LRP1B: variants seen among roughly 807,000 people sequenced by gnomAD.
LRP1B encodes LDL receptor related protein 1B.
In LRP1B, 217 loss-of-function variants were observed where a neutral mutation model predicts 556.6. The observed-to-expected ratio is 0.39, with a 90% CI of 0.35 to 0.44. LRP1B has a LOEUF of 0.44. Among genes scored for constraint, LRP1B ranks in the 20% least tolerant of loss-of-function variants. The pLI, the probability that LRP1B is intolerant of heterozygous loss-of-function variation, is 1.00. For synonymous variants in LRP1B, 2,047 were observed against 1,865.8 expected (o/e 1.10, Z -2.50); for missense variants, 5,053 against 5,620.8 (o/e 0.90, Z 3.23).
At chr2:141,051,705 G>A (rs1055940305) in intron 10 of LRP1B, among the ~76,000 whole-genome samples, 1 of 152,006 alleles carries the variant, frequency 6.6e-6, no homozygotes, top group Non-Finnish European at 1.5e-5. Context: ...TTTTAAAAGA[G>A]TTTTAACACA....
In LRP1B at chr2:141,779,419, CTT is replaced by C. The variant is rs34529015; in HGVS notation, c.205+30858_205+30859del. ...TAGACAAATATGTTCAAAATAAAAA[CTT>C]TTTTTTTTTTTTTTTTGAGACAGGG... On this transcript the variant is annotated intron_variant, in intron 2 of 90. Transcript: ENST00000389484. Among the ~76,000 whole-genome samples the C allele has an allele frequency of 3.7e-3, 478 of 130,758 alleles. 1 individual carries two copies. Among genetic ancestry groups the C allele is most frequent in the African/African-American group, 0.011 (399 of 34,996 alleles). 85.8% of individuals were successfully genotyped at this position (130,758 alleles called of 152,430 possible). A position where few individuals can be genotyped will look rare whatever the true frequency, so the allele number is the denominator to read the frequency against.
At chr2:141,033,128 T>C (rs1013938194) in intron 11 of LRP1B, among the ~76,000 whole-genome samples, 4 of 151,078 alleles carry the variant, frequency 2.6e-5, no homozygotes, top group Admixed American at 6.6e-5. Flanking sequence ...AAACAGCACG[T>C]GGTAAAGGCC....
intron 66 of LRP1B, among the ~76,000 whole-genome samples, chr2:140,439,499 TC>T (rs1686332523): frequency 6.6e-6 from 1 of 152,156 alleles, no homozygotes; most frequent in African/African-American, 2.4e-5. Flanking sequence ...TAGATTTAAA[TC>T]TTTACATACA....
chr2:140,443,400 C>T (rs1686515590), intron 65 of LRP1B, among the ~76,000 whole-genome samples: 1 of 152,150 alleles, frequency 6.6e-6, no homozygotes, highest in Non-Finnish European at 1.5e-5. Flanking sequence ...CCAACTTAGA[C>T]TGTAAACTGC....
chr2:140,998,011 T>G (rs1241284517), intron 15 of LRP1B, among the ~76,000 whole-genome samples: 1 of 152,016 alleles, frequency 6.6e-6, no homozygotes, highest in African/African-American at 2.4e-5. Context: ...CTAAACTTTT[T>G]ACTGCCTTAA....
intron 1 of LRP1B, among the ~76,000 whole-genome samples, chr2:141,953,628 A>G (rs769394296): frequency 7.2e-5 from 11 of 152,126 alleles, no homozygotes; most frequent in Non-Finnish European, 1.6e-4. Context: ...GAACTCCAAG[A>G]GTCGCCTAGT....
At chr2:141,692,309 TCTTA>T (rs1039878394) in intron 2 of LRP1B, among the ~76,000 whole-genome samples, 10 of 152,164 alleles carry the variant, frequency 6.6e-5, no homozygotes, top group African/African-American at 2.2e-4. Flanking sequence ...CTTTTCCATC[TCTTA>T]CTTATCTATA....
At chr2:141,637,826 A>T (rs1689159290) in intron 2 of LRP1B, among the ~76,000 whole-genome samples, 1 of 152,174 alleles carries the variant, frequency 6.6e-6, no homozygotes, top group African/African-American at 2.4e-5. Context: ...GGGAGATATG[A>T]ATCATGGGGG....
chr2:140,847,413 C>T (rs573155552), intron 29 of LRP1B, among the ~76,000 whole-genome samples: 1 of 152,248 alleles, frequency 6.6e-6, no homozygotes, highest in South Asian at 2.1e-4. Context: ...AGATACATCC[C>T]TCTCATTCTG....
intron 7 of LRP1B, among the ~76,000 whole-genome samples, chr2:141,078,559 G>A (rs891378300): frequency 2.6e-5 from 4 of 152,110 alleles, no homozygotes; most frequent in African/African-American, 9.7e-5. Flanking sequence ...TATAAAGCAA[G>A]GGCATCGGTC....
chr2:141,373,574 TC>T (rs1018419324), intron 3 of LRP1B, among the ~76,000 whole-genome samples: 4 of 149,036 alleles, frequency 2.7e-5, no homozygotes, highest in Non-Finnish European at 4.5e-5. Context: ...AATAAATTGA[TC>T]CCTTTATCAT....
chr2:141,911,709 A>C (rs2104953673), intron 1 of LRP1B, among the ~76,000 whole-genome samples: 1 of 152,306 alleles, frequency 6.6e-6, no homozygotes, highest in Middle Eastern at 3.4e-3. Context: ...TCACTTAGAT[A>C]CATAAGTACA....
chr2:142,104,889 C>A (rs994514918), intron 1 of LRP1B, among the ~76,000 whole-genome samples: 1 of 152,072 alleles, frequency 6.6e-6, no homozygotes, highest in Non-Finnish European at 1.5e-5. Flanking sequence ...TCTTCAAGAC[C>A]AGTTGTGAAG....
At chr2:140,251,100 G>C (rs12104972) in intron 86 of LRP1B, among the ~76,000 whole-genome samples, 82,477 of 151,514 alleles carry the variant, frequency 0.54, 24,662 homozygotes, top group Non-Finnish European at 0.68. Flanking sequence ...ATAATGTTTT[G>C]TTTCAATTAT....
chr2:140,254,512 G>T (rs1293087875), intron 86 of LRP1B, among the ~76,000 whole-genome samples: 1 of 151,920 alleles, frequency 6.6e-6, no homozygotes, highest in Admixed American at 6.6e-5. Flanking sequence ...CTAGTTCCAA[G>T]ATTTCTTTTT....
Position 142,126,181 on chromosome 2 carries a change from TAAAAC to T in LRP1B, c.82+4462_82+4466del, listed in dbSNP as rs148836778. Among the ~76,000 whole-genome samples the T allele has an allele frequency of 2.6e-3, 395 of 151,994 alleles. 2 individuals carry two copies. Among genetic ancestry groups the T allele is most frequent in the East Asian group, 9.1e-3 (47 of 5,182 alleles). Reference sequence around the variant, plus strand: ...TTTCTGCCACACAGTCAGATTCTGTTAAAACAAAATACTTGTTATATCGAAATGTA... The same window carrying T: ...TTTCTGCCACACAGTCAGATTCTGTTAAAATACTTGTTATATCGAAATGTA... On this transcript the variant is annotated intron_variant, in intron 1 of 90. Coordinates refer to ENST00000389484, the MANE Select transcript of LRP1B (RefSeq NM_018557.3).
At position 140,270,351 on chromosome 2, in the gene LRP1B, A is replaced by G. The variant is rs762844885; in HGVS notation, c.13143-5T>C. On this transcript the variant is annotated splice_polypyrimidine_tract_variant and splice_region_variant and intron_variant, in intron 85 of 90. Transcript: ENST00000389484. The stretch of plus-strand genomic sequence containing the variant: ...GCAATCTTTCCATTAGTGCAGCTGC[A>G]ACAACAAAGAAAAAAAGAACAATTT... The G allele has an allele frequency of 5.7e-6, 9 of 1,579,400 alleles. No homozygotes were observed. The highest frequency in any genetic ancestry group is 7.8e-6 in the Non-Finnish European group (9 of 1,149,262).
At chr2:140,974,108 T>C (rs1430469968) in intron 18 of LRP1B, among the ~76,000 whole-genome samples, 1 of 152,126 alleles carries the variant, frequency 6.6e-6, no homozygotes, top group Non-Finnish European at 1.5e-5. Flanking sequence ...ACAAAGTTAT[T>C]GATTCCATGT....
chr2:140,504,412 T>C (rs1689320900), intron 53 of LRP1B, among the ~76,000 whole-genome samples: 1 of 152,184 alleles, frequency 6.6e-6, no homozygotes, highest in Admixed American at 6.6e-5. Flanking sequence ...AATCCTCTCC[T>C]GTTCCATTCT....
Sources: allele counts gnomAD v4.1 joint callset (sites outside exome capture counted in the v4.1 genomes callset), GRCh38; gene constraint gnomAD v4.1.1; transcripts MANE v1.5; gene names NCBI Gene and HGNC (gene_info 2026-07-23, HGNC 2026-07-21).